Variants in GRM7 observed in about 807,000 individuals in gnomAD.
GRM7 encodes the protein glutamate metabotropic receptor 7, also known as metabotropic glutamate receptor 7.
GRM7 carries 35 observed loss-of-function variants against 84.5 expected under a neutral mutation model. The observed-to-expected ratio is 0.41, with a 90% CI of 0.32 to 0.55. The LOEUF (loss-of-function observed/expected upper bound fraction) is 0.55. Among genes scored for constraint, GRM7 ranks in the 20% least tolerant of loss-of-function variants. The pLI is 0.19. For synonymous variants in GRM7, 487 were observed against 455.1 expected, an observed-to-expected ratio of 1.07 and a Z score of -0.89; for missense variants, 1,003 against 1,194.6, an observed-to-expected ratio of 0.84 and a Z score of 2.36.
rs1265222979 is a variant in GRM7, at chr3:6,863,565, A to T, written c.519+1658A>T. ...ATCCTGGCAGGTCTGCAAACCCAAAAGTGCTTCGGGGCTAGCCATCACTCT... is the reference window on the plus strand; with the variant it reads ...ATCCTGGCAGGTCTGCAAACCCAAATGTGCTTCGGGGCTAGCCATCACTCT... On this transcript the variant is annotated intron_variant, in intron 1 of 9. Coordinates refer to ENST00000357716, the MANE Select transcript of GRM7 (RefSeq NM_000844.4). This position sits in a 1 kb window ranked among gnomAD's most constrained non-coding sequence, Gnocchi z 4.8. Among the ~76,000 whole-genome samples the T allele has an allele frequency of 6.6e-6, 1 of 152,122 alleles. No homozygotes were observed. The highest frequency in any genetic ancestry group is 2.4e-5 in the African/African-American group (1 of 41,442).
Position 7,047,795 on chromosome 3 carries a change from T to C in GRM7, c.520-98657T>C, listed in dbSNP as rs187547739. On this transcript the variant is annotated intron_variant, in intron 1 of 9. Transcript: ENST00000357716. ...AGAGACTTTTGGGTCAGCATTATCC[T>C]AAAGCTTGAGTAATCTTTCAGAGAG... 7.2e-3 allele frequency among the ~76,000 whole-genome samples: 1,096 copies of C among 152,194 alleles called. 20 individuals are homozygous for C. The highest frequency in any genetic ancestry group is 7.5e-3 in the Non-Finnish European group (511 of 67,964).
At chr3:7,495,379 G>C (rs568498501) in intron 7 of GRM7, among the ~76,000 whole-genome samples, 2 of 152,202 alleles carry the variant, frequency 1.3e-5, no homozygotes, top group African/African-American at 4.8e-5. Context: ...GGCCTGCAGG[G>C]ACAAAGAAGT....
intron 2 of GRM7, among the ~76,000 whole-genome samples, chr3:7,242,921 G>A (rs193094158): frequency 2.0e-5 from 3 of 152,178 alleles, no homozygotes; most frequent in Non-Finnish European, 4.4e-5. Flanking sequence ...TGACAATGTG[G>A]AGCCATAAAA....
intron 1 of GRM7, among the ~76,000 whole-genome samples, chr3:7,043,634 T>C (rs1696705230): frequency 6.6e-6 from 1 of 152,250 alleles, no homozygotes; most frequent in Non-Finnish European, 1.5e-5. Context: ...CATATTAAAA[T>C]GTTAGAACAG....
chr3:7,679,717 C>T (rs1289708102), intron 8 of GRM7, among the ~76,000 whole-genome samples: 2 of 152,152 alleles, frequency 1.3e-5, no homozygotes, highest in Non-Finnish European at 2.9e-5. Flanking sequence ...ATCAAGATTA[C>T]AGATTTCTAT....
At chr3:7,279,266 C>A (rs1699176059) in intron 2 of GRM7, among the ~76,000 whole-genome samples, 1 of 152,244 alleles carries the variant, frequency 6.6e-6, no homozygotes, top group East Asian at 1.9e-4. Flanking sequence ...TGCGTGAATG[C>A]ATTTCAACGT....
rs551404255 is a variant in GRM7 at position 7,341,232 on chromosome 3, A to G, written c.1033+34580A>G. 3.9e-5 allele frequency among the ~76,000 whole-genome samples: 6 copies of G among 152,300 alleles called. No homozygotes were observed. In the South Asian group the frequency reaches 1.0e-3, roughly 26 times the overall value. On this transcript the variant is annotated intron_variant, in intron 4 of 9. Coordinates refer to ENST00000357716, the MANE Select transcript of GRM7 (RefSeq NM_000844.4). Reference sequence around the variant, plus strand: ...AAGAATACTTCTCAAATTTCAGAGTACTTTCTAGAGTTTACATGAGGATGA... The same window carrying G: ...AAGAATACTTCTCAAATTTCAGAGTGCTTTCTAGAGTTTACATGAGGATGA...
chr3:7,578,549 G>A lies in GRM7; in HGVS notation c.1643G>A (p.Cys548Tyr). The change falls in exon 8 of 10, where the codon TGC becomes TAC. Residue 548 changes from cysteine to tyrosine, a missense_variant. This residue lies in a region of GRM7 where 910 missense variants were observed against 1,126.0 expected (regional missense o/e 0.81). Transcript: ENST00000357716. ...GTPCCWTCEP[C>Y]DGYQYQFDEM... ...CCTTGCTGTTGGACCTGTGAGCCTT[G>A]CGATGGTTACCAGTACCAGTTTGAT... is the stretch of plus-strand genomic sequence containing the variant. 1 of 1,614,084 alleles carries A rather than the reference G, an allele frequency of 6.2e-7. No individual in the cohort carries two copies. Among genetic ancestry groups the A allele is most frequent in the Non-Finnish European group, 8.5e-7 (1 of 1,179,980 alleles).
intron 8 of GRM7, among the ~76,000 whole-genome samples, chr3:7,639,154 T>G (rs1215241383): frequency 6.6e-6 from 1 of 152,140 alleles, no homozygotes; most frequent in Non-Finnish European, 1.5e-5. Context: ...GTGTCACATC[T>G]CCCCATTTCT....
chr3:7,497,924 A>G (rs546919411), intron 7 of GRM7, among the ~76,000 whole-genome samples: 1 of 152,278 alleles, frequency 6.6e-6, no homozygotes, highest in South Asian at 2.1e-4. Flanking sequence ...AACTCAACAG[A>G]TATTACTAAC....
At chr3:6,951,379 T>C (rs1692756188) in intron 1 of GRM7, among the ~76,000 whole-genome samples, 1 of 152,282 alleles carries the variant, frequency 6.6e-6, no homozygotes, top group Non-Finnish European at 1.5e-5. Context: ...TCTGGGGTAA[T>C]TGATTTGAGG....
chr3:7,536,660 G>A (rs1382001799), intron 7 of GRM7, among the ~76,000 whole-genome samples: 1 of 152,164 alleles, frequency 6.6e-6, no homozygotes, highest in Admixed American at 6.5e-5. Context: ...CTTGGGGGCA[G>A]CCAACTGCCA....
At chr3:7,263,491 TCTG>T (rs1468369291) in intron 2 of GRM7, among the ~76,000 whole-genome samples, 2 of 152,080 alleles carry the variant, frequency 1.3e-5, no homozygotes, top group Admixed American at 1.3e-4. Flanking sequence ...GGTGCCAGCC[TCTG>T]TGTGGGCATT....
chr3:7,559,146 T>C (rs1423848661), intron 7 of GRM7: 2 of 152,124 alleles, frequency 1.3e-5, no homozygotes, highest in Admixed American at 1.3e-4. Context: ...TTTTTTTTTT[T>C]TTCATTGAAA....
chr3:7,123,512 G>A (rs1378803064), intron 1 of GRM7, among the ~76,000 whole-genome samples: 1 of 152,062 alleles, frequency 6.6e-6, no homozygotes, highest in Non-Finnish European at 1.5e-5. Flanking sequence ...CCAGCTATTT[G>A]GGAGGTTGAG....
intron 4 of GRM7, among the ~76,000 whole-genome samples, chr3:7,394,429 A>T (rs1055321402): frequency 6.6e-6 from 1 of 152,270 alleles, no homozygotes; most frequent in Non-Finnish European, 1.5e-5. Flanking sequence ...ACTTGATGTC[A>T]CCTTGTTTGC....
chr3:7,661,090 G>C (rs966357044), intron 8 of GRM7, among the ~76,000 whole-genome samples: 2 of 152,120 alleles, frequency 1.3e-5, no homozygotes, highest in African/African-American at 4.8e-5. Flanking sequence ...CAATTTATAC[G>C]TGAACAGATT....
At chr3:7,379,068 A>G (rs540576672) in intron 4 of GRM7, among the ~76,000 whole-genome samples, 15 of 152,142 alleles carry the variant, frequency 9.9e-5, no homozygotes, top group Middle Eastern at 3.4e-3. Flanking sequence ...GCATTTTATT[A>G]ATTTTTATTT....
chr3:6,905,999 A>G (rs899172664), intron 1 of GRM7, among the ~76,000 whole-genome samples: 10 of 152,332 alleles, frequency 6.6e-5, no homozygotes, highest in South Asian at 6.2e-4. Flanking sequence ...TTGTTGCATT[A>G]TAAGCCACCT....
Sources: allele counts gnomAD v4.1 joint callset (sites outside exome capture counted in the v4.1 genomes callset), GRCh38; gene constraint gnomAD v4.1.1; regional missense constraint gnomAD v4.1.1; non-coding constraint Gnocchi (gnomAD v3.1); transcripts MANE v1.5; gene names NCBI Gene and HGNC (gene_info 2026-07-23, HGNC 2026-07-21).